Variants in FHIP1A observed in about 807,000 individuals in gnomAD.
FHIP1A encodes the protein FHF complex subunit HOOK interacting protein 1A, also known as FHF complex subunit HOOK-interacting protein 1A.
In FHIP1A, 61 loss-of-function variants were observed where a neutral mutation model predicts 88.6. The observed-to-expected ratio is 0.69, with a 90% CI of 0.56 to 0.85. The LOEUF (loss-of-function observed/expected upper bound fraction) is 0.85. FHIP1A is among the 40% of genes least tolerant of loss of function. The probability of loss-of-function intolerance (pLI) is 0.00; values close to 1 mark genes in which losing one functional copy is unlikely to be tolerated. For synonymous variants in FHIP1A, 478 were observed against 496.0 expected (o/e 0.96, Z 0.48); for missense variants, 1,154 against 1,273.5 (o/e 0.91, Z 1.43).
intron 3 of FHIP1A, among the ~76,000 whole-genome samples, chr4:151,527,389 C>A (rs187280969): frequency 6.6e-6 from 1 of 152,208 alleles, no homozygotes; most frequent in Non-Finnish European, 1.5e-5. Context: ...TCAGGCGTGG[C>A]GGCGCACACC....
At chr4:151,597,995 T>C (rs909445253) in intron 7 of FHIP1A, among the ~76,000 whole-genome samples, 2 of 152,102 alleles carry the variant, frequency 1.3e-5, no homozygotes, top group African/African-American at 4.8e-5. Flanking sequence ...CTGAGCTAGA[T>C]CACTTGGTTC....
chr4:151,577,951 C>T lies in FHIP1A; in HGVS notation c.607C>T (p.Pro203Ser). ...CTTCCTCATCTTCTCCCTTCTGATTCCCTTCATTCACCGAGAGGGGTCAGT... is the reference window on the plus strand; with the variant it reads ...CTTCCTCATCTTCTCCCTTCTGATTTCCTTCATTCACCGAGAGGGGTCAGT... Reference protein sequence around the residue: ...ANFLIFSLLIPFIHREGSVGQ... With the variant: ...ANFLIFSLLISFIHREGSVGQ... Residue 203 changes from proline (P) to serine (S), a missense_variant, in exon 5 of 14, where the codon CCC becomes TCC. Coordinates refer to ENST00000435205, the MANE Select transcript of FHIP1A (RefSeq NM_001109977.3). 1 of 1,551,574 alleles carries T rather than the reference C, an allele frequency of 6.4e-7. No individual in the cohort carries two copies. Among genetic ancestry groups the T allele is most frequent in the Non-Finnish European group, 8.7e-7 (1 of 1,146,966 alleles).
chr4:151,506,161 G>A (rs992907568), intron 3 of FHIP1A, among the ~76,000 whole-genome samples: 3 of 151,992 alleles, frequency 2.0e-5, no homozygotes, highest in Non-Finnish European at 4.4e-5. Context: ...CCCTGTCTTG[G>A]CCTCTCCAAG....
intron 1 of FHIP1A, among the ~76,000 whole-genome samples, chr4:151,422,683 G>T (rs550339526): frequency 1.3e-5 from 2 of 152,144 alleles, no homozygotes; most frequent in Admixed American, 6.5e-5. Context: ...GAGCCACCGC[G>T]CCTGGCCAGA....
intron 3 of FHIP1A, among the ~76,000 whole-genome samples, chr4:151,549,565 C>G (rs544790521): frequency 1.3e-5 from 2 of 151,790 alleles, no homozygotes; most frequent in South Asian, 4.2e-4. Context: ...TGGGAATTAC[C>G]CATGCCTTTC....
chr4:151,656,449 G>A lies in FHIP1A; in HGVS notation c.2730+39G>A. The A allele has an allele frequency of 2.0e-6, 3 of 1,533,086 alleles. No homozygotes were observed. Among genetic ancestry groups the A allele is most frequent in the South Asian group, 1.2e-5 (1 of 82,754 alleles). The allele number at this position is 1,533,086 out of a possible 1,614,324, so 95.0% of individuals were successfully genotyped here. A position where few individuals can be genotyped will look rare whatever the true frequency, so the allele number is the denominator to read the frequency against. On this transcript the variant is annotated intron_variant, in intron 12 of 13. Transcript: ENST00000435205. This position sits in a 1 kb window ranked among gnomAD's most constrained non-coding sequence, Gnocchi z 4.2. The stretch of plus-strand genomic sequence containing the variant: ...ACCCACATCCACACCTGTTGATTTT[G>A]TGGGTGCTAATTTGCAGGGCATCTA...
intron 3 of FHIP1A, among the ~76,000 whole-genome samples, chr4:151,531,494 C>T (rs1168585910): frequency 8.3e-6 from 1 of 120,276 alleles, no homozygotes; most frequent in Non-Finnish European, 1.8e-5. Context: ...ACCGCATTTT[C>T]TTTTTTCTTC....
chr4:151,432,951 C>G (rs1199473393), intron 1 of FHIP1A, among the ~76,000 whole-genome samples: 2 of 152,042 alleles, frequency 1.3e-5, no homozygotes, highest in Non-Finnish European at 2.9e-5. Context: ...CCATTTAAAC[C>G]TGGTCTTTTA....
chr4:151,517,926 A>G (rs1580659129), intron 3 of FHIP1A, among the ~76,000 whole-genome samples: 1 of 152,340 alleles, frequency 6.6e-6, no homozygotes, highest in East Asian at 1.9e-4. Context: ...AAAAAGTTCA[A>G]AAAATTAAAA....
chr4:151,660,040 T>C (rs1236341113), intron 13 of FHIP1A, among the ~76,000 whole-genome samples: 1 of 152,198 alleles, frequency 6.6e-6, no homozygotes, highest in Non-Finnish European at 1.5e-5. Flanking sequence ...GGAGATCAGG[T>C]AGGTAATGGC....
At chr4:151,437,191 G>A (rs1728235880) in intron 1 of FHIP1A, among the ~76,000 whole-genome samples, 1 of 152,000 alleles carries the variant, frequency 6.6e-6, no homozygotes, top group Admixed American at 6.6e-5. Context: ...AATAATGGCT[G>A]AATTGAGTAT....
At chr4:151,419,746 C>T (rs1269316702) in intron 1 of FHIP1A, among the ~76,000 whole-genome samples, 1 of 16,152 alleles carries the variant, frequency 6.2e-5, no homozygotes, top group African/African-American at 2.6e-4. Context: ...CCCCCTCCCC[C>T]GACCCCACCA....
chr4:151,484,512 T>C (rs1251855275), intron 3 of FHIP1A, among the ~76,000 whole-genome samples: 1 of 152,054 alleles, frequency 6.6e-6, no homozygotes, highest in Non-Finnish European at 1.5e-5. Context: ...AGGACTGACT[T>C]GGATAATGAA....
At chr4:151,446,902 T>C (rs1728630930) in intron 1 of FHIP1A, among the ~76,000 whole-genome samples, 1 of 152,178 alleles carries the variant, frequency 6.6e-6, no homozygotes, top group Non-Finnish European at 1.5e-5. Context: ...TTGTGAATGC[T>C]GATCCAGACT....
At position 151,650,119 on chromosome 4, in the gene FHIP1A, C is replaced by A; in HGVS notation, c.2078C>A (p.Ser693Ter). 6.4e-7 allele frequency: 1 copy of A among 1,551,650 alleles called. No homozygotes were observed. The highest frequency in any genetic ancestry group is 8.7e-7 in the Non-Finnish European group (1 of 1,146,992). The change falls in exon 11 of 14, where the codon TCA becomes TAA. Residue 693 changes from serine to a stop codon, truncating the protein, a stop_gained. Transcript: ENST00000435205. LOFTEE classifies it high-confidence loss of function. ...CTCAGCACCCAGCCAGAGACAGATT[C>A]AGAGGAGGAGTGGAATAGGGACAAT... ...PLLSTQPETDSEEEWNRDNSD... is the reference protein window; with the variant it reads ...PLLSTQPETD
chr4:151,606,503 C>T (rs191203444), intron 7 of FHIP1A, among the ~76,000 whole-genome samples: 1 of 152,274 alleles, frequency 6.6e-6, no homozygotes, highest in African/African-American at 2.4e-5. Context: ...TCTTTTGTAG[C>T]TTCCCTTGAC....
At chr4:151,524,969 C>T (rs1477916381) in intron 3 of FHIP1A, among the ~76,000 whole-genome samples, 1 of 152,182 alleles carries the variant, frequency 6.6e-6, no homozygotes, top group Non-Finnish European at 1.5e-5. Flanking sequence ...AGCTCCATCT[C>T]TTTTGATCAA....
chr4:151,584,332 A>G (rs1010204535), intron 5 of FHIP1A, among the ~76,000 whole-genome samples: 1 of 152,208 alleles, frequency 6.6e-6, no homozygotes, highest in Non-Finnish European at 1.5e-5. Context: ...CAATACACTA[A>G]TACATGCAAG....
intron 2 of FHIP1A, among the ~76,000 whole-genome samples, chr4:151,475,602 A>G (rs1193226016): frequency 1.3e-5 from 2 of 152,124 alleles, no homozygotes; most frequent in African/African-American, 4.8e-5. Context: ...GGCAGTGAGG[A>G]GAGGCCATTG....
Sources: gnomAD v4.1 joint callset for allele counts (sites outside exome capture counted in the v4.1 genomes callset) on GRCh38, gnomAD v4.1.1 for gene constraint, Gnocchi (gnomAD v3.1) non-coding constraint, MANE v1.5 for transcripts, NCBI Gene and HGNC (gene_info 2026-07-23, HGNC 2026-07-21) for gene names.